Variants in PCSK5 observed in about 807,000 individuals in gnomAD.
The protein encoded by PCSK5 is proprotein convertase subtilisin/kexin type 5, also known as prohormone convertase 5.
Under a neutral mutation model 233.2 loss-of-function variants are expected in PCSK5, and 129 were observed. The observed-to-expected ratio is 0.55, with a 90% confidence interval of 0.48 to 0.64. The LOEUF (loss-of-function observed/expected upper bound fraction) is 0.64, where lower values mean the gene tolerates loss of function less well. PCSK5 is among the 30% of genes least tolerant of loss of function. The pLI is 0.00. For missense variants in PCSK5, 2,076 were observed against 2,430.1 expected (o/e 0.85, Z 3.06); for synonymous variants, 825 against 879.2 (o/e 0.94, Z 1.09).
At chr9:76,102,675 T>G (rs111928806) in intron 8 of PCSK5, among the ~76,000 whole-genome samples, 1 of 152,164 alleles carries the variant, frequency 6.6e-6, no homozygotes, top group Non-Finnish European at 1.5e-5. Context: ...GTAGTACTTG[T>G]GAGAGTATTA....
chr9:76,183,829 A>G (rs1282827441), intron 16 of PCSK5, among the ~76,000 whole-genome samples: 1 of 152,228 alleles, frequency 6.6e-6, no homozygotes, highest in Non-Finnish European at 1.5e-5. Context: ...CATTTCTACA[A>G]ATTCACATGG....
chr9:76,240,740 A>G, intron 24 of PCSK5, 56 bp downstream of exon 24: 1 of 1,209,468 alleles, frequency 8.3e-7, no homozygotes, highest in South Asian at 1.3e-5. Context: ...CCTTTTCCAC[A>G]CATCTTCATC....
intron 16 of PCSK5, among the ~76,000 whole-genome samples, chr9:76,182,174 T>A (rs1587727543): frequency 6.6e-6 from 1 of 152,240 alleles, no homozygotes; most frequent in East Asian, 1.9e-4. Context: ...AAATTCAAGT[T>A]CCCAGATGTG....
In PCSK5 at chr9:76,218,718, G is replaced by A. The variant is rs150587073; in HGVS notation, c.2627-8785G>A. On this transcript the variant is annotated intron_variant, in intron 20 of 37. Coordinates refer to ENST00000674117, the MANE Select transcript of PCSK5 (RefSeq NM_001372043.1). ...CAGAAGAGGAATGTCCGGGAAATAT[G>A]TGATTTGATTAATTTCACACAGCTG... Among the ~76,000 whole-genome samples, 18 of 152,264 alleles carry A rather than the reference G, an allele frequency of 1.2e-4. No individual in the cohort carries two copies. In the East Asian group the frequency reaches 3.5e-3, roughly 29 times the overall value.
At chr9:76,340,712 T>C (rs1429329638) in intron 35 of PCSK5, among the ~76,000 whole-genome samples, 3 of 151,968 alleles carry the variant, frequency 2.0e-5, no homozygotes, top group Non-Finnish European at 2.9e-5. Flanking sequence ...ATGGAATTTC[T>C]ATTAAATGCA....
chr9:76,007,502 GA>G, intron 3 of PCSK5, among the ~76,000 whole-genome samples: 1 of 152,242 alleles, frequency 6.6e-6, no homozygotes, highest in Non-Finnish European at 1.5e-5. Context: ...TAGTTCAAAA[GA>G]ACAATAATAT....
chr9:76,062,711 T>C (rs72735317), intron 5 of PCSK5, among the ~76,000 whole-genome samples: 15 of 152,354 alleles, frequency 9.8e-5, no homozygotes, highest in Non-Finnish European at 2.1e-4. Flanking sequence ...TTATATATGG[T>C]ATTTCAATAT....
chr9:75,932,577 C>T (rs1823860237), intron 2 of PCSK5, 94 bp downstream of exon 2: 1 of 758,506 alleles, frequency 1.3e-6, no homozygotes, highest in African/African-American at 1.7e-5. Context: ...AGCATGAAGG[C>T]TCAGATTTCT....
intron 35 of PCSK5, among the ~76,000 whole-genome samples, chr9:76,342,797 TTG>T (rs1259658129): frequency 6.6e-6 from 1 of 151,604 alleles, no homozygotes; most frequent in Non-Finnish European, 1.5e-5. Context: ...GTGCTCCCTA[TTG>T]GGATAAATGG....
chr9:76,011,083 G>A (rs559774431), intron 3 of PCSK5, among the ~76,000 whole-genome samples: 52 of 152,274 alleles, frequency 3.4e-4, no homozygotes, highest in Middle Eastern at 6.8e-3. Flanking sequence ...AAGTTGCTTG[G>A]TTAGATTCTT....
chr9:76,284,641 T>C (rs964335637), intron 24 of PCSK5, among the ~76,000 whole-genome samples: 1 of 150,318 alleles, frequency 6.7e-6, no homozygotes, highest in African/African-American at 2.4e-5. Context: ...CAAGTGATTC[T>C]CCTGCCTCAA....
chr9:76,303,730 G>C (rs1270007795), intron 28 of PCSK5, among the ~76,000 whole-genome samples: 3 of 152,138 alleles, frequency 2.0e-5, no homozygotes, highest in Non-Finnish European at 4.4e-5. Flanking sequence ...AAAGCCCTCG[G>C]GGACAGAATC....
chr9:76,262,133 G>A (rs1827194711), intron 24 of PCSK5, among the ~76,000 whole-genome samples: 1 of 152,126 alleles, frequency 6.6e-6, no homozygotes, highest in East Asian at 1.9e-4. Flanking sequence ...TATGATATTG[G>A]CTGTGATGGA....
intron 24 of PCSK5, 93 bp from the exon 25 acceptor site, chr9:76,292,140 G>T: frequency 1.3e-6 from 1 of 764,492 alleles, no homozygotes. Context: ...CTATCCCACA[G>T]GATTGTTTAT....
intron 2 of PCSK5, among the ~76,000 whole-genome samples, chr9:75,985,877 A>G (rs1826490142): frequency 6.6e-6 from 1 of 152,206 alleles, no homozygotes; most frequent in African/African-American, 2.4e-5. Flanking sequence ...TGAGAAAGCT[A>G]AAAGTTAGCT....
At chr9:75,987,074 T>C (rs187339540) in intron 3 of PCSK5, among the ~76,000 whole-genome samples, 12 of 152,352 alleles carry the variant, frequency 7.9e-5, no homozygotes, top group South Asian at 6.2e-4. Flanking sequence ...TTAGTTTTTG[T>C]ATTCCTGTTC....
In PCSK5 at chr9:76,321,532, A is replaced by G; in HGVS notation, c.3995A>G (p.His1332Arg). 1 of 1,611,978 alleles carries G rather than the reference A, an allele frequency of 6.2e-7. No individual in the cohort carries two copies. The highest frequency in any genetic ancestry group is 2.2e-5 in the East Asian group (1 of 44,882). ...TGTGAAGGAGGCCACGTCCTGCACC[A>G]CGGAGTGTGCCAGGAAAACTGCCCC... ...HSCEGGHVLH[H>R]GVCQENCPER... The change falls in exon 31 of 38, where the codon CAC becomes CGC. Residue 1332 changes from histidine (H) to arginine (R), a missense_variant. Around this residue, in one of 6 missense-constraint regions of PCSK5, gnomAD observed 1,510 missense variants for 1,538.1 expected, o/e 0.98. Coordinates refer to ENST00000674117, the MANE Select transcript of PCSK5 (RefSeq NM_001372043.1).
chr9:76,210,994 G>A (rs1393244659), intron 20 of PCSK5, among the ~76,000 whole-genome samples: 1 of 152,150 alleles, frequency 6.6e-6, no homozygotes, highest in Admixed American at 6.6e-5. Context: ...CACAGGAGGG[G>A]TATCAGTGCT....
chr9:75,937,520 A>G (rs1824111734), intron 2 of PCSK5, among the ~76,000 whole-genome samples: 1 of 152,090 alleles, frequency 6.6e-6, no homozygotes, highest in African/African-American at 2.4e-5. Flanking sequence ...GATTTTTTAG[A>G]ATGGTAAATG....
Sources: gnomAD v4.1 joint callset for allele counts (sites outside exome capture counted in the v4.1 genomes callset) on GRCh38, gnomAD v4.1.1 for gene constraint, gnomAD v4.1.1 regional missense constraint, MANE v1.5 for transcripts, NCBI Gene and HGNC (gene_info 2026-07-23, HGNC 2026-07-21) for gene names.